ZNF365: variants seen among roughly 807,000 people sequenced by gnomAD.
ZNF365 encodes protein ZNF365.
ZNF365 carries 22 observed loss-of-function variants against 35.0 expected under a neutral mutation model. The ratio of observed to expected loss-of-function variants is 0.63; its 90% CI spans 0.45 to 0.90. The LOEUF is 0.90. ZNF365 is among the 40% of genes least tolerant of loss of function. The pLI, the probability that ZNF365 is intolerant of heterozygous loss-of-function variation, is 0.00. For missense variants in ZNF365, 448 were observed against 500.3 expected (o/e 0.90, Z 1.00); for synonymous variants, 188 against 196.2 (o/e 0.96, Z 0.35).
chr10:62,453,364 T>C (rs1324278994), intron 3 of ZNF365, among the ~76,000 whole-genome samples: 1 of 152,230 alleles, frequency 6.6e-6, no homozygotes, highest in African/African-American at 2.4e-5. Context: ...AGTTCCCACT[T>C]ATAAGACAGA....
In ZNF365 at chr10:62,399,635, T is replaced by G. The variant is rs1162876327; in HGVS notation, c.1070T>G (p.Met357Arg). 4 of 1,614,000 alleles carry G rather than the reference T, an allele frequency of 2.5e-6. No individual in the cohort carries two copies. The highest frequency in any genetic ancestry group is 4.5e-5 in the East Asian group (2 of 44,892). ...LKKAKDDRAS[M>R]QPAKAIHEQA... ...AAGGCCAAGGATGACAGAGCCAGCA[T>G]GCAGCCTGCCAAGGCCATTCACGAA... The change falls in exon 5 of 5, where the codon ATG becomes AGG. Residue 357 changes from methionine to arginine, a missense_variant. Physicochemically the swap from Met to Arg is moderately conservative, Grantham distance 91. Transcript: ENST00000395254.
intron 4 of ZNF365, among the ~76,000 whole-genome samples, chr10:62,475,518 T>C (rs1658794608): frequency 1.3e-5 from 2 of 152,346 alleles, no homozygotes; most frequent in Admixed American, 6.5e-5. Context: ...AAGAAAACCA[T>C]ACCATCTCAT....
At chr10:62,450,930 A>G (rs907186717) in intron 3 of ZNF365, among the ~76,000 whole-genome samples, 6 of 152,216 alleles carry the variant, frequency 3.9e-5, no homozygotes, top group Non-Finnish European at 7.3e-5. Flanking sequence ...TATAGTTAAG[A>G]CAAGAGTTAT....
At chr10:62,422,170 A>G (rs547234951) in intron 3 of ZNF365, among the ~76,000 whole-genome samples, 1 of 152,276 alleles carries the variant, frequency 6.6e-6, no homozygotes, top group Admixed American at 6.5e-5. Context: ...AGATGCCTTG[A>G]TAACTGCATG....
At chr10:62,389,838 T>C (rs1488851014) in intron 3 of ZNF365, among the ~76,000 whole-genome samples, 2 of 152,222 alleles carry the variant, frequency 1.3e-5, no homozygotes, top group African/African-American at 2.4e-5. Flanking sequence ...TTTCAGGTGC[T>C]ATATTCAAAG....
At chr10:62,461,699 C>T (rs1168975790) in intron 4 of ZNF365, among the ~76,000 whole-genome samples, 2 of 152,102 alleles carry the variant, frequency 1.3e-5, no homozygotes, top group African/African-American at 4.8e-5. Flanking sequence ...GAATGACAAT[C>T]GCGGACTTCA....
At chr10:62,461,844 C>T (rs1459748148) in intron 4 of ZNF365, among the ~76,000 whole-genome samples, 1 of 152,184 alleles carries the variant, frequency 6.6e-6, no homozygotes, top group East Asian at 1.9e-4. Flanking sequence ...AAAATATCTG[C>T]ATTCTCTCCT....
At chr10:62,439,729 C>G (rs1343671573) in intron 3 of ZNF365, among the ~76,000 whole-genome samples, 1 of 152,202 alleles carries the variant, frequency 6.6e-6, no homozygotes, top group African/African-American at 2.4e-5. Flanking sequence ...TAAATCAGCT[C>G]TGAAATGACC....
At chr10:62,426,311 A>G (rs900093616) in intron 3 of ZNF365, among the ~76,000 whole-genome samples, 1 of 151,424 alleles carries the variant, frequency 6.6e-6, no homozygotes, top group Non-Finnish European at 1.5e-5. Context: ...ATAGCTCTGC[A>G]CCTGCCACTC....
chr10:62,451,354 G>A (rs546087879), intron 3 of ZNF365, among the ~76,000 whole-genome samples: 6 of 152,138 alleles, frequency 3.9e-5, no homozygotes, highest in East Asian at 3.9e-4. Context: ...TGAGCTGCTC[G>A]TTCATGGCTT....
chr10:62,472,945 C>T (rs1457372713), intron 4 of ZNF365, among the ~76,000 whole-genome samples: 1 of 152,196 alleles, frequency 6.6e-6, no homozygotes, highest in African/African-American at 2.4e-5. Flanking sequence ...CTAGTGCACT[C>T]TACCCCACCC....
chr10:62,383,596 C>A (rs1387654371), intron 2 of ZNF365, among the ~76,000 whole-genome samples: 1 of 152,226 alleles, frequency 6.6e-6, no homozygotes, highest in Admixed American at 6.5e-5. Flanking sequence ...CGTGTTGTCA[C>A]TCATTAAAAT....
rs77175243 is a variant in ZNF365, at chr10:62,472,145, G to T, written c.982-7731G>T. 4.9e-3 allele frequency among the ~76,000 whole-genome samples: 750 copies of T among 152,316 alleles called. 6 individuals carry two copies. Among genetic ancestry groups the T allele is most frequent in the African/African-American group, 0.017 (698 of 41,560 alleles). On this transcript the variant is annotated intron_variant, in intron 4 of 4. Transcript: ENST00000395255. ...ATAGATTACATTTACCGTTTTCCAA[G>T]TGGTGCCCTTCAAGCTGAGTCCATG...
chr10:62,465,010 C>T (rs202194500), intron 4 of ZNF365, among the ~76,000 whole-genome samples: 18 of 152,194 alleles, frequency 1.2e-4, no homozygotes, highest in Admixed American at 3.9e-4. Context: ...CCTGTGCTCC[C>T]GGGTGCAGAT....
At chr10:62,454,478 T>A (rs1419327100) in intron 3 of ZNF365, among the ~76,000 whole-genome samples, 1 of 152,208 alleles carries the variant, frequency 6.6e-6, no homozygotes, top group Non-Finnish European at 1.5e-5. Flanking sequence ...AACTACATAA[T>A]AAACATAATT....
intron 3 of ZNF365, among the ~76,000 whole-genome samples, chr10:62,432,087 C>A (rs1182614364): frequency 1.3e-5 from 2 of 152,080 alleles, no homozygotes; most frequent in Non-Finnish European, 2.9e-5. Flanking sequence ...ATTTTTTAGT[C>A]TGGTTTACTG....
chr10:62,448,816 G>A (rs560661922), intron 3 of ZNF365, among the ~76,000 whole-genome samples: 51 of 152,122 alleles, frequency 3.4e-4, no homozygotes, highest in African/African-American at 1.2e-3. Context: ...TTTATTCAAA[G>A]CATAATCTCC....
intron 3 of ZNF365, among the ~76,000 whole-genome samples, chr10:62,458,255 C>T (rs1840792103): frequency 1.3e-5 from 2 of 152,204 alleles, no homozygotes; most frequent in African/African-American, 4.8e-5. Flanking sequence ...GCAGCCTCCT[C>T]CTGAGTATAT....
At chr10:62,439,619 A>T (rs1840463072) in intron 3 of ZNF365, among the ~76,000 whole-genome samples, 1 of 152,204 alleles carries the variant, frequency 6.6e-6, no homozygotes, top group Admixed American at 6.5e-5. Flanking sequence ...GTTATAAAGG[A>T]TTTAATGTCT....
Sources: gnomAD v4.1 joint callset for allele counts (sites outside exome capture counted in the v4.1 genomes callset) on GRCh38, gnomAD v4.1.1 for gene constraint, MANE v1.5 for transcripts, NCBI Gene and HGNC (gene_info 2026-07-23, HGNC 2026-07-21) for gene names.